The following ARHGEF39 variants were observed in gnomAD, a reference collection of about 807,000 sequenced individuals.
The protein encoded by ARHGEF39 is Rho guanine nucleotide exchange factor (GEF) 39.
In ARHGEF39, 45 loss-of-function variants were observed where a neutral mutation model predicts 47.5. The observed-to-expected ratio is 0.95, with a 90% confidence interval of 0.75 to 1.22. The LOEUF (loss-of-function observed/expected upper bound fraction) is 1.22, where lower values mean the gene tolerates loss of function less well. Ranked by LOEUF, ARHGEF39 falls within the 50% of genes most tolerant of loss-of-function variation. The pLI is 0.00. For synonymous variants in ARHGEF39, 164 were observed against 167.8 expected (o/e 0.98, Z 0.17); for missense variants, 411 against 425.3 (o/e 0.97, Z 0.30).
chr9:35,663,309 A>T lies in ARHGEF39; in HGVS notation c.544+13T>A, dbSNP rs1419993657. 1 of 1,613,834 alleles carries T rather than the reference A, an allele frequency of 6.2e-7. No homozygotes were observed. Among genetic ancestry groups the T allele is most frequent in the East Asian group, 2.2e-5 (1 of 44,888 alleles). ...AAGCCTCCAGCCTGCGTTGCCGAGG[A>T]GCAAGAACCTACGTGTGAGCTGTTG... On this transcript the variant is annotated intron_variant, in intron 5 of 8. Coordinates refer to ENST00000378387, the MANE Select transcript of ARHGEF39 (RefSeq NM_032818.3).
rs774805907 is a variant in ARHGEF39, at chr9:35,660,548, T to C, written c.*1439A>G. ...ACCACTTCTGCCCCCTTTTTTCCCT[T>C]ATCCCCAGAGCAACAGCTGGCCCAG... On this transcript the variant is annotated 3_prime_UTR_variant, in exon 9 of 9. Coordinates refer to ENST00000378387, the MANE Select transcript of ARHGEF39 (RefSeq NM_032818.3). 1 of 1,614,130 alleles carries C rather than the reference T, an allele frequency of 6.2e-7. No individual in the cohort carries two copies. The highest frequency in any genetic ancestry group is 1.3e-5 in the African/African-American group (1 of 75,028).
Position 35,661,935 on chromosome 9 carries a change from G to A in ARHGEF39, c.*52C>T, listed in dbSNP as rs1823971260. On this transcript the variant is annotated 3_prime_UTR_variant, in exon 9 of 9. Coordinates refer to ENST00000378387, the MANE Select transcript of ARHGEF39 (RefSeq NM_032818.3). ...GTACTGAAGATTCCTTTGTACTCTT[G>A]GCTGTGACCTATCCCTGAGGTATCC... is the stretch of plus-strand genomic sequence containing the variant. 6.3e-7 allele frequency: 1 copy of A among 1,584,744 alleles called. No individual in the cohort carries two copies. The highest frequency in any genetic ancestry group is 2.2e-5 in the East Asian group (1 of 44,716).
chr9:35,662,862 A>G, intron 6 of ARHGEF39, 84 bp downstream of exon 6: 3 of 1,575,446 alleles, frequency 1.9e-6, no homozygotes, highest in Admixed American at 1.8e-5. Context: ...GGTGAGTAAG[A>G]AAAGAGCAGC....
At position 35,662,035 on chromosome 9, in the gene ARHGEF39, G is replaced by GT. The variant is rs763662178; in HGVS notation, c.993-34dup. 1.1e-3 allele frequency: 1,757 copies of GT among 1,613,466 alleles called. 2 individuals are homozygous for GT. The highest frequency in any genetic ancestry group is 1.4e-3 in the Non-Finnish European group (1,660 of 1,179,584). ...GAGAAGACAGTCAGTTCAGGCACTG[G>GT]TATGAGTGCTTTATTCAGACAAAAT... On this transcript the variant is annotated intron_variant, in intron 8 of 8. Transcript: ENST00000378387.
intron 4 of ARHGEF39, 83 bp downstream of exon 4, chr9:35,663,925 G>C (rs567361036): frequency 7.1e-7 from 1 of 1,404,244 alleles, no homozygotes; most frequent in Admixed American, 1.8e-5. Context: ...GTTTGGGATC[G>C]ACCCCAAGGC....
Position 35,662,510 on chromosome 9 carries a change from AC to A in ARHGEF39, c.903+1del. Reference sequence around the variant, plus strand: ...GGTCTAGGGTTCCCACCTATTACTTACACTGAGCAACCCACCACAAGGGCCT... The same window carrying A: ...GGTCTAGGGTTCCCACCTATTACTTAACTGAGCAACCCACCACAAGGGCCT... On this transcript the variant is annotated splice_donor_variant, in intron 7 of 8. Coordinates refer to ENST00000378387, the MANE Select transcript of ARHGEF39 (RefSeq NM_032818.3). LOFTEE classifies it high-confidence loss of function. The A allele has an allele frequency of 6.2e-7, 1 of 1,611,722 alleles. No homozygotes were observed. Among genetic ancestry groups the A allele is most frequent in the Non-Finnish European group, 8.5e-7 (1 of 1,179,006 alleles).
chr9:35,660,749 G>A lies in ARHGEF39; in HGVS notation c.*1238C>T. 2 of 1,613,900 alleles carry A rather than the reference G, an allele frequency of 1.2e-6. No individual in the cohort carries two copies. The highest frequency in any genetic ancestry group is 1.7e-6 in the Non-Finnish European group (2 of 1,179,838). Reference sequence around the variant, plus strand: ...CACTGAGTGGACATTTCTTCAGTGTGACTACTCTGGCTGGAGCCCAGCAGG... The same window carrying A: ...CACTGAGTGGACATTTCTTCAGTGTAACTACTCTGGCTGGAGCCCAGCAGG... On this transcript the variant is annotated 3_prime_UTR_variant, in exon 9 of 9. Transcript: ENST00000378387.
Position 35,661,932 on chromosome 9 carries a change from C to T in ARHGEF39, c.*55G>A. 1.3e-6 allele frequency: 2 copies of T among 1,581,542 alleles called. No homozygotes were observed. Among genetic ancestry groups the T allele is most frequent in the Non-Finnish European group, 1.7e-6 (2 of 1,160,148 alleles). On this transcript the variant is annotated 3_prime_UTR_variant, in exon 9 of 9. Coordinates refer to ENST00000378387, the MANE Select transcript of ARHGEF39 (RefSeq NM_032818.3). ...TCAGTACTGAAGATTCCTTTGTACT[C>T]TTGGCTGTGACCTATCCCTGAGGTA...
In ARHGEF39 at chr9:35,660,661, T is replaced by G. The variant is rs376989197; in HGVS notation, c.*1326A>C. The G allele has an allele frequency of 2.6e-4, 412 of 1,613,942 alleles. 5 individuals are homozygous for G. In the South Asian group the frequency reaches 3.9e-3, roughly 15 times the overall value. ...CCTTTTTGAGCGGTGAGGAGAGCAATGATTCTGTGAATTTTTGGGGAATTT... is the reference window on the plus strand; with the variant it reads ...CCTTTTTGAGCGGTGAGGAGAGCAAGGATTCTGTGAATTTTTGGGGAATTT... On this transcript the variant is annotated 3_prime_UTR_variant, in exon 9 of 9. Coordinates refer to ENST00000378387, the MANE Select transcript of ARHGEF39 (RefSeq NM_032818.3).
rs1470245106 is a variant in ARHGEF39, at chr9:35,661,055, T to C, written c.*932A>G. 1 of 1,614,144 alleles carries C rather than the reference T, an allele frequency of 6.2e-7. No homozygotes were observed. The highest frequency in any genetic ancestry group is 1.7e-5 in the Admixed American group (1 of 60,016). On this transcript the variant is annotated 3_prime_UTR_variant, in exon 9 of 9. Coordinates refer to ENST00000378387, the MANE Select transcript of ARHGEF39 (RefSeq NM_032818.3). ...GGAGCACAGAGACATGGAACCTAGC[T>C]ACTTCCTGGGAGGTGGGGCGGGGAC...
chr9:35,665,077 T>C lies in ARHGEF39; in HGVS notation c.93A>G (p.Leu31=), dbSNP rs768725092. 10 of 1,559,826 alleles carry C rather than the reference T, an allele frequency of 6.4e-6. No individual in the cohort carries two copies. The highest frequency in any genetic ancestry group is 8.7e-6 in the Non-Finnish European group (10 of 1,153,564). ...RKRACTAREL[L]ETERRYQEQL... ...GTTCTTGGTAGCGCCGCTCGGTCTC[T>C]AGCAGCTCCCGGGCGGTGCAGGCGC... The change falls in exon 1 of 9, where the codon CTA becomes CTG. Residue 31 remains leucine (L), a synonymous_variant. Coordinates refer to ENST00000378387, the MANE Select transcript of ARHGEF39 (RefSeq NM_032818.3).
At position 35,661,714 on chromosome 9, in the gene ARHGEF39, G is replaced by GT; in HGVS notation, c.*272dup. ...AAATAGAGACAGGGTCTCACTCACTGTGTTGCCCAGGCTGGTCTTGAACTC... is the reference window on the plus strand; with the variant it reads ...AAATAGAGACAGGGTCTCACTCACTGTTGTTGCCCAGGCTGGTCTTGAACTC... On this transcript the variant is annotated 3_prime_UTR_variant, in exon 9 of 9. Transcript: ENST00000378387. 2.3e-6 allele frequency: 1 copy of GT among 441,846 alleles called. No homozygotes were observed. The highest frequency in any genetic ancestry group is 4.0e-6 in the Non-Finnish European group (1 of 250,794). The allele number at this position is 441,846 out of a possible 1,614,324, so 27.4% of individuals were successfully genotyped here. A position where few individuals can be genotyped will look rare whatever the true frequency, so the allele number is the denominator to read the frequency against.
chr9:35,663,495 G>A (rs906605245), intron 4 of ARHGEF39, 103 bp from the exon 5 acceptor site: 11 of 990,408 alleles, frequency 1.1e-5, no homozygotes, highest in Non-Finnish European at 1.7e-5. Context: ...TTGAAGGCCA[G>A]GAAAGATCTG....
At position 35,661,853 on chromosome 9, in the gene ARHGEF39, G is replaced by GGTCCAGGCAAACAGAAAGTGACCTTT. The variant is rs1823967117; in HGVS notation, c.*108_*133dup. ...TTGGTCAGATGATCTGGAGTAGCTT[G>GGTCCAGGCAAACAGAAAGTGACCTTT]GTCCAGGCAAACAGAAAGTGACCTT... is the stretch of plus-strand genomic sequence containing the variant. On this transcript the variant is annotated 3_prime_UTR_variant, in exon 9 of 9. Coordinates refer to ENST00000378387, the MANE Select transcript of ARHGEF39 (RefSeq NM_032818.3). The GGTCCAGGCAAACAGAAAGTGACCTTT allele has an allele frequency of 9.3e-7, 1 of 1,075,714 alleles. No individual in the cohort carries two copies. 66.6% of individuals were successfully genotyped at this position (1,075,714 alleles called of 1,614,324 possible).
rs759097940 is a variant in ARHGEF39, at chr9:35,660,396, A to G, written c.*1591T>C. On this transcript the variant is annotated 3_prime_UTR_variant, in exon 9 of 9. Transcript: ENST00000378387. ...CAGTACTGCCCTTTCCTTCTTCCACAACAGGGGAAAGATGAAACTGCGGTT... is the reference window on the plus strand; with the variant it reads ...CAGTACTGCCCTTTCCTTCTTCCACGACAGGGGAAAGATGAAACTGCGGTT... 1.3e-6 allele frequency: 2 copies of G among 1,593,506 alleles called. No homozygotes were observed. The highest frequency in any genetic ancestry group is 3.5e-5 in the Admixed American group (2 of 57,726).
In ARHGEF39 at chr9:35,662,248, T is replaced by C. The variant is rs1360415907; in HGVS notation, c.923A>G (p.Lys308Arg). The C allele has an allele frequency of 1.2e-6, 2 of 1,614,110 alleles. No individual in the cohort carries two copies. The highest frequency in any genetic ancestry group is 1.7e-5 in the Admixed American group (1 of 60,032). ...CTGGTCTGTGGACATAAGCAGTAGCTTCTCATGAGGGAAGGACAGCTAGAG... is the reference window on the plus strand; with the variant it reads ...CTGGTCTGTGGACATAAGCAGTAGCCTCTCATGAGGGAAGGACAGCTAGAG... ...GLLSLSFPHE[K>R]LLLMSTDQEE... The change falls in exon 8 of 9, where the codon AAG becomes AGG. Residue 308 changes from lysine to arginine, a missense_variant. Physicochemically the swap from Lys to Arg is conservative, Grantham distance 26. Coordinates refer to ENST00000378387, the MANE Select transcript of ARHGEF39 (RefSeq NM_032818.3).
intron 2 of ARHGEF39, 82 bp from the exon 3 acceptor site, chr9:35,664,574 A>C: frequency 1.3e-6 from 2 of 1,501,980 alleles, no homozygotes; most frequent in Non-Finnish European, 1.8e-6. Context: ...AATAGCACTA[A>C]TAGTAGTGCT....
rs148193246 is a variant in ARHGEF39 at position 35,663,379 on chromosome 9, C to T, written c.487G>A (p.Val163Ile). The change falls in exon 5 of 9, where the codon GTC (valine) becomes ATC (isoleucine). Residue 163 changes from valine to isoleucine, a missense_variant. Val to Ile is a conservative substitution (Grantham distance 29). Transcript: ENST00000378387. ...CCTGTGTTTTCAGCCAAAGCTACGA[C>T]GAGATTCTCATACCTGGAATTCAAC... ...LQRLQQYENL[V>I]VALAENTGPN... The T allele has an allele frequency of 1.9e-5, 30 of 1,613,652 alleles. 2 individuals are homozygous for T. In the Admixed American group the frequency reaches 2.3e-4, roughly 13 times the overall value.
chr9:35,664,673 A>G, intron 2 of ARHGEF39, 83 bp downstream of exon 2: 1 of 1,504,666 alleles, frequency 6.6e-7, no homozygotes, highest in Non-Finnish European at 8.9e-7. Context: ...TCCAAATAGA[A>G]CCTAAGTCTG....
Sources: allele counts gnomAD v4.1 joint callset, GRCh38; gene constraint gnomAD v4.1.1; transcripts MANE v1.5; gene names NCBI Gene and HGNC (gene_info 2026-07-23, HGNC 2026-07-21).